The following TMEM132D variants were observed in gnomAD, a reference collection of about 807,000 sequenced individuals.
The protein encoded by TMEM132D is mature OL transmembrane protein.
Under a neutral mutation model 62.3 loss-of-function variants are expected in TMEM132D, and 21 were observed. The observed-to-expected ratio is 0.34, with a 90% CI of 0.24 to 0.49. TMEM132D has a LOEUF of 0.49. Ranked by LOEUF, TMEM132D falls within the 20% of genes least tolerant of loss-of-function variation. The pLI, the probability that TMEM132D is intolerant of heterozygous loss-of-function variation, is 0.99. For synonymous variants in TMEM132D, 621 were observed against 575.6 expected (o/e 1.08, Z -1.13); for missense variants, 1,346 against 1,402.8 (o/e 0.96, Z 0.65).
chr12:129,599,789 C>G (rs1334063186), intron 2 of TMEM132D, among the ~76,000 whole-genome samples: 1 of 152,142 alleles, frequency 6.6e-6, no homozygotes, highest in Non-Finnish European at 1.5e-5. Context: ...TGTACAACAA[C>G]ATTATGTCTA....
chr12:129,570,823 C>T (rs1320730624), intron 2 of TMEM132D, among the ~76,000 whole-genome samples: 1 of 152,178 alleles, frequency 6.6e-6, no homozygotes, highest in Non-Finnish European at 1.5e-5. Flanking sequence ...AAGAAAACAT[C>T]CCCAGAAGTT....
chr12:129,138,404 A>T (rs1255535201), intron 5 of TMEM132D, among the ~76,000 whole-genome samples: 1 of 152,192 alleles, frequency 6.6e-6, no homozygotes, highest in African/African-American at 2.4e-5. Flanking sequence ...AGGGATATAG[A>T]CTAAAGAAAA....
At chr12:129,436,505 T>C (rs1872791450) in intron 3 of TMEM132D, among the ~76,000 whole-genome samples, 1 of 152,216 alleles carries the variant, frequency 6.6e-6, no homozygotes, top group South Asian at 2.1e-4. Context: ...TGAGCACTGA[T>C]ATGCAAGACT....
At position 129,768,944 on chromosome 12, in the gene TMEM132D, A is replaced by G. The variant is rs76757688; in HGVS notation, c.80-68246T>C. Among the ~76,000 whole-genome samples the G allele has an allele frequency of 1.8e-3, 279 of 152,320 alleles. 1 individual carries two copies. The East Asian group carries it at 0.047, about 26-fold the overall frequency. On this transcript the variant is annotated intron_variant, in intron 1 of 8. Coordinates refer to ENST00000422113, the MANE Select transcript of TMEM132D (RefSeq NM_133448.3). ...CAGTTCAGTTCTAAAGGTACCAGCTAAGGAGAAAATCACATTTGTTTCCAA... is the reference window on the plus strand; with the variant it reads ...CAGTTCAGTTCTAAAGGTACCAGCTGAGGAGAAAATCACATTTGTTTCCAA...
chr12:129,533,980 G>C (rs1176070056), intron 2 of TMEM132D, among the ~76,000 whole-genome samples: 2 of 152,164 alleles, frequency 1.3e-5, no homozygotes, highest in Admixed American at 1.3e-4. Flanking sequence ...ACTGAACACG[G>C]TGTGTGTTGG....
At chr12:129,563,535 G>A (rs867910570) in intron 2 of TMEM132D, among the ~76,000 whole-genome samples, 1 of 152,172 alleles carries the variant, frequency 6.6e-6, no homozygotes, top group Non-Finnish European at 1.5e-5. Flanking sequence ...GTCAACCTAC[G>A]AGGGAGGTGA....
intron 3 of TMEM132D, among the ~76,000 whole-genome samples, chr12:129,376,965 G>T (rs192249506): frequency 6.6e-6 from 1 of 152,182 alleles, no homozygotes; most frequent in Non-Finnish European, 1.5e-5. Flanking sequence ...TTACTTCCTT[G>T]TGTGTCCCAT....
chr12:129,209,375 T>G, intron 5 of TMEM132D, 145 bp downstream of exon 5: 1 of 1,003,098 alleles, frequency 1.0e-6, no homozygotes, highest in Non-Finnish European at 1.4e-6. Context: ...TGTCCTGATT[T>G]AAGTGGCAGG....
At chr12:129,169,991 C>T (rs1877675702) in intron 5 of TMEM132D, 1 of 152,192 alleles carries the variant, frequency 6.6e-6, no homozygotes, top group African/African-American at 2.4e-5. Context: ...TATTTAGCAC[C>T]TGCAATCCTC....
chr12:129,099,821 T>A (rs1187396383), intron 5 of TMEM132D, among the ~76,000 whole-genome samples: 2 of 141,986 alleles, frequency 1.4e-5, no homozygotes, highest in Non-Finnish European at 2.9e-5. Flanking sequence ...TTTTTATTTT[T>A]TTTATTTTTA....
At chr12:129,369,890 G>A (rs1870540580) in intron 3 of TMEM132D, among the ~76,000 whole-genome samples, 1 of 152,204 alleles carries the variant, frequency 6.6e-6, no homozygotes, top group South Asian at 2.1e-4. Flanking sequence ...ACACATATAA[G>A]GATATGGTAC....
intron 2 of TMEM132D, among the ~76,000 whole-genome samples, chr12:129,665,374 T>C (rs551989238): frequency 3.9e-4 from 60 of 152,270 alleles, no homozygotes; most frequent in African/African-American, 1.4e-3. Flanking sequence ...TTCAGAGCGA[T>C]GCAAGCAGGG....
intron 5 of TMEM132D, among the ~76,000 whole-genome samples, chr12:129,141,183 T>G (rs1053138906): frequency 1.3e-4 from 20 of 152,346 alleles, no homozygotes; most frequent in African/African-American, 4.6e-4. Flanking sequence ...AGAAAGTTGA[T>G]GTCCTCAGCT....
intron 3 of TMEM132D, among the ~76,000 whole-genome samples, chr12:129,505,848 TTGCTTTTGGTG>T (rs1875313629): frequency 6.6e-6 from 1 of 152,202 alleles, no homozygotes; most frequent in Non-Finnish European, 1.5e-5. Flanking sequence ...CTACTCCCGC[TTGCTTTTGGTG>T]TCCATTTGCA....
At chr12:129,349,762 G>C (rs532054633) in intron 3 of TMEM132D, among the ~76,000 whole-genome samples, 1 of 152,278 alleles carries the variant, frequency 6.6e-6, no homozygotes, top group African/African-American at 2.4e-5. Flanking sequence ...TTGGATCAAG[G>C]CTTTTCCTAT....
At chr12:129,183,346 G>A (rs1226337947) in intron 5 of TMEM132D, among the ~76,000 whole-genome samples, 3 of 152,196 alleles carry the variant, frequency 2.0e-5, no homozygotes, top group African/African-American at 7.2e-5. Context: ...TAAAACAAGA[G>A]CCTGCTCATC....
At chr12:129,206,640 G>T (rs1450532805) in intron 5 of TMEM132D, among the ~76,000 whole-genome samples, 1 of 152,156 alleles carries the variant, frequency 6.6e-6, no homozygotes, top group Non-Finnish European at 1.5e-5. Context: ...CTACCATAAA[G>T]ATACATGCAC....
chr12:129,491,347 G>A (rs780431229), intron 3 of TMEM132D, among the ~76,000 whole-genome samples: 1 of 152,144 alleles, frequency 6.6e-6, no homozygotes, highest in Non-Finnish European at 1.5e-5. Flanking sequence ...ACACTGTTTG[G>A]CTGTTCACCA....
chr12:129,289,547 T>TAAAA (rs59709658), intron 4 of TMEM132D, among the ~76,000 whole-genome samples: 1 of 92,184 alleles, frequency 1.1e-5, no homozygotes, highest in Admixed American at 1.2e-4. Flanking sequence ...TCCATCTCAA[T>TAAAA]AAAAAAAAAA....
Sources: gnomAD v4.1 joint callset for allele counts (sites outside exome capture counted in the v4.1 genomes callset) on GRCh38, gnomAD v4.1.1 for gene constraint, MANE v1.5 for transcripts, NCBI Gene and HGNC (gene_info 2026-07-23, HGNC 2026-07-21) for gene names.